Variants in GAS7 observed in about 807,000 individuals in gnomAD.
GAS7 encodes the protein growth arrest specific 7.
Under a neutral mutation model 71.1 loss-of-function variants are expected in GAS7, and 28 were observed. The ratio of observed to expected loss-of-function variants is 0.39; its 90% CI spans 0.29 to 0.54. GAS7 has a LOEUF of 0.54. Among genes scored for constraint, GAS7 ranks in the 20% least tolerant of loss-of-function variants. GAS7 has a pLI of 0.62. For synonymous variants in GAS7, 258 were observed against 245.8 expected, an observed-to-expected ratio of 1.05 and a Z score of -0.46; for missense variants, 436 against 627.8, an observed-to-expected ratio of 0.69 and a Z score of 3.27.
chr17:10,123,046 G>A (rs2073917597), intron 1 of GAS7, among the ~76,000 whole-genome samples: 1 of 152,072 alleles, frequency 6.6e-6, no homozygotes, highest in South Asian at 2.1e-4. Flanking sequence ...TGCTCAGGCT[G>A]GTCTCAAACT....
chr17:10,194,155 G>C (rs920599993), intron 1 of GAS7, among the ~76,000 whole-genome samples: 8 of 152,196 alleles, frequency 5.3e-5, no homozygotes, highest in Non-Finnish European at 1.2e-4. Flanking sequence ...GAAAGGAAAA[G>C]GCTCTTTTTA....
chr17:10,066,573 C>CCA (rs2073283656), intron 1 of GAS7, among the ~76,000 whole-genome samples: 1 of 152,126 alleles, frequency 6.6e-6, no homozygotes, highest in South Asian at 2.1e-4. Context: ...TGGCCTCAGG[C>CCA]CATCCCCTCA....
intron 2 of GAS7, among the ~76,000 whole-genome samples, chr17:10,005,142 C>T (rs2071439677): frequency 1.4e-5 from 1 of 73,086 alleles, no homozygotes; most frequent in African/African-American, 2.9e-5. Context: ...TGTGTGCGCG[C>T]ACGCATGCAT....
chr17:9,924,324 C>G (rs1158417446), intron 11 of GAS7, among the ~76,000 whole-genome samples: 2 of 152,114 alleles, frequency 1.3e-5, no homozygotes, highest in Non-Finnish European at 2.9e-5. Flanking sequence ...AGGCATGCAC[C>G]ACCATGCCTA....
chr17:9,958,121 G>C (rs2069324621), intron 5 of GAS7, among the ~76,000 whole-genome samples: 2 of 152,054 alleles, frequency 1.3e-5, no homozygotes, highest in South Asian at 4.1e-4. Context: ...TTCCCCACTT[G>C]ACAGTTATTG....
At chr17:9,944,107 GATTT>G (rs570309376) in intron 6 of GAS7, among the ~76,000 whole-genome samples, 1 of 152,192 alleles carries the variant, frequency 6.6e-6, no homozygotes, top group African/African-American at 2.4e-5. Flanking sequence ...AAAATTAAAT[GATTT>G]ATTTTATTTT....
In GAS7 at chr17:9,913,142, A is replaced by G. The variant is rs560942299; in HGVS notation, c.*4086T>C. 77 of 232,398 alleles carry G rather than the reference A, an allele frequency of 3.3e-4. No individual in the cohort carries two copies. Among genetic ancestry groups the G allele is most frequent in the African/African-American group, 1.6e-3 (73 of 45,420 alleles). 14.4% of individuals were successfully genotyped at this position (232,398 alleles called of 1,614,324 possible). A position where few individuals can be genotyped will look rare whatever the true frequency, so the allele number is the denominator to read the frequency against. On this transcript the variant is annotated 3_prime_UTR_variant, in exon 14 of 14. Transcript: ENST00000432992. ...TTTGTCAAAATTCACAGAGCTGTAT[A>G]TTTCCAAAGGGTGAATTTTACTGGA... is the stretch of plus-strand genomic sequence containing the variant.
rs113967374 is a variant in GAS7 at position 10,128,631 on chromosome 17, C to CTT, written c.183+69575_183+69576dup. 1.9e-3 allele frequency among the ~76,000 whole-genome samples: 266 copies of CTT among 142,054 alleles called. 7 individuals carry two copies. In the South Asian group the frequency reaches 0.033, roughly 18 times the overall value. The allele number at this position is 142,054 out of a possible 152,430, so 93.2% of individuals were successfully genotyped here. A position where few individuals can be genotyped will look rare whatever the true frequency, so the allele number is the denominator to read the frequency against. ...GTGATCGTTTTGCTTTTTCTTTTCTCTTTTTTTTTTTTTTTTGAGATAGAG... is the reference window on the plus strand; with the variant it reads ...GTGATCGTTTTGCTTTTTCTTTTCTCTTTTTTTTTTTTTTTTTTGAGATAGAG... On this transcript the variant is annotated intron_variant, in intron 1 of 13. Coordinates refer to ENST00000432992, the MANE Select transcript of GAS7 (RefSeq NM_201433.2).
chr17:10,185,372 G>C (rs1054378888), intron 1 of GAS7, among the ~76,000 whole-genome samples: 1 of 152,148 alleles, frequency 6.6e-6, no homozygotes. Flanking sequence ...ATTCAACTAT[G>C]ATCACTAGAG....
intron 1 of GAS7, chr17:10,036,572 G>A (rs1390562062): frequency 5.9e-6 from 9 of 1,538,370 alleles, no homozygotes; most frequent in Middle Eastern, 1.9e-4. Context: ...TGGGGCTGAG[G>A]CAAGTCGCTA....
At chr17:10,086,383 G>C (rs1380491698) in intron 1 of GAS7, among the ~76,000 whole-genome samples, 1 of 152,180 alleles carries the variant, frequency 6.6e-6, no homozygotes, top group Non-Finnish European at 1.5e-5. Context: ...CGGGGTCTAT[G>C]AGTGTCCCCC....
At position 10,039,608 on chromosome 17, in the gene GAS7, G is replaced by A. The variant is rs528281801; in HGVS notation, c.184-19711C>T. 1.0e-3 allele frequency: 353 copies of A among 347,630 alleles called. 2 individuals are homozygous for A. Among genetic ancestry groups the A allele is most frequent in the African/African-American group, 7.0e-3 (322 of 46,206 alleles). 21.5% of individuals were successfully genotyped at this position (347,630 alleles called of 1,614,324 possible). ...TGAGGCAGGAGAATTACTTGAACCC[G>A]GGAGGCAGAGGTTGTAGTGAGCCAA... is the stretch of plus-strand genomic sequence containing the variant. On this transcript the variant is annotated intron_variant, in intron 1 of 13. Coordinates refer to ENST00000432992, the MANE Select transcript of GAS7 (RefSeq NM_201433.2).
At chr17:10,129,829 T>C (rs1286849804) in intron 1 of GAS7, among the ~76,000 whole-genome samples, 1 of 152,180 alleles carries the variant, frequency 6.6e-6, no homozygotes, top group East Asian at 1.9e-4. Flanking sequence ...ACATTGATAA[T>C]GTAACTCAAT....
At chr17:10,114,072 G>A (rs1308736331) in intron 1 of GAS7, among the ~76,000 whole-genome samples, 2 of 151,954 alleles carry the variant, frequency 1.3e-5, no homozygotes, top group Non-Finnish European at 2.9e-5. Context: ...GCACCACCAC[G>A]CCTGGCTAAT....
intron 1 of GAS7, among the ~76,000 whole-genome samples, chr17:10,068,765 A>AT (rs1245798225): frequency 1.5e-4 from 23 of 148,824 alleles, no homozygotes; most frequent in East Asian, 3.9e-4. Flanking sequence ...TCCTGTCTCT[A>AT]TTTTTTTTTT....
chr17:10,151,319 G>A (rs1315697142), intron 1 of GAS7, among the ~76,000 whole-genome samples: 2 of 151,810 alleles, frequency 1.3e-5, no homozygotes, highest in African/African-American at 4.8e-5. Context: ...GGTTTCGTTT[G>A]CTTGTTTTTG....
chr17:10,098,417 T>A (rs2073666142), intron 1 of GAS7, among the ~76,000 whole-genome samples: 1 of 152,174 alleles, frequency 6.6e-6, no homozygotes, highest in Non-Finnish European at 1.5e-5. Flanking sequence ...GATCTCTCCA[T>A]CCACCACAAA....
chr17:10,059,710 C>T, intron 1 of GAS7: 2 of 985,218 alleles, frequency 2.0e-6, no homozygotes, highest in Non-Finnish European at 2.4e-6. Context: ...TGTGGTGTGT[C>T]CTTATGCAAA....
chr17:10,149,856 T>C (rs759560924), intron 1 of GAS7, among the ~76,000 whole-genome samples: 3 of 152,168 alleles, frequency 2.0e-5, no homozygotes, highest in Non-Finnish European at 4.4e-5. Context: ...AGGCCAGATA[T>C]CATGTAACAT....
Sources: gnomAD v4.1 joint callset for allele counts (sites outside exome capture counted in the v4.1 genomes callset) on GRCh38, gnomAD v4.1.1 for gene constraint, MANE v1.5 for transcripts, NCBI Gene and HGNC (gene_info 2026-07-23, HGNC 2026-07-21) for gene names.